Variants in RILPL2 observed in about 807,000 individuals in gnomAD.
The protein encoded by RILPL2 is RILP-like protein 2.
RILPL2 carries 19 observed loss-of-function variants against 22.2 expected under a neutral mutation model. The ratio of observed to expected loss-of-function variants is 0.86; its 90% CI spans 0.60 to 1.25. The LOEUF (loss-of-function observed/expected upper bound fraction) is 1.25, where lower values mean the gene tolerates loss of function less well. Ranked by LOEUF, RILPL2 falls within the 50% of genes most tolerant of loss-of-function variation. The probability of loss-of-function intolerance (pLI) is 0.00; values close to 1 mark genes in which losing one functional copy is unlikely to be tolerated. For synonymous variants in RILPL2, 123 were observed against 111.6 expected (o/e 1.10, Z -0.64); for missense variants, 243 against 263.6 (o/e 0.92, Z 0.54).
At position 123,436,624 on chromosome 12, in the gene RILPL2, C is replaced by T. The variant is rs1345967482; in HGVS notation, c.-204G>A. ...CGCCCCGGCGCACCGTCCCCGCTGC[C>T]AGCCACGCTGGAGAGTGCGCTCCAG... On this transcript the variant is annotated 5_prime_UTR_variant, in exon 1 of 4. Coordinates refer to ENST00000280571, the MANE Select transcript of RILPL2 (RefSeq NM_145058.3). This position sits in a 1 kb window ranked among gnomAD's most constrained non-coding sequence, Gnocchi z 6.7. 4.8e-6 allele frequency: 4 copies of T among 831,250 alleles called. No homozygotes were observed. The African/African-American group carries it at 5.1e-5, about 11-fold the overall frequency. The allele number at this position is 831,250 out of a possible 1,614,324, so 51.5% of individuals were successfully genotyped here. A position where few individuals can be genotyped will look rare whatever the true frequency, so the allele number is the denominator to read the frequency against.
chr12:123,421,417 C>T (rs898729738), intron 3 of RILPL2, among the ~76,000 whole-genome samples: 2 of 152,172 alleles, frequency 1.3e-5, no homozygotes, highest in African/African-American at 4.8e-5. Flanking sequence ...TTAAACCCAA[C>T]AGCCTCTGAG....
At position 123,415,802 on chromosome 12, in the gene RILPL2, T is replaced by A. The variant is rs1412304240; in HGVS notation, c.*89A>T. 2 of 1,229,484 alleles carry A rather than the reference T, an allele frequency of 1.6e-6. No homozygotes were observed. Among genetic ancestry groups the A allele is most frequent in the Admixed American group, 3.4e-5 (2 of 59,514 alleles). 76.2% of individuals were successfully genotyped at this position (1,229,484 alleles called of 1,614,324 possible). The stretch of plus-strand genomic sequence containing the variant: ...GAAATAAATACACAGGCCTAGTGTG[T>A]CTGTGTGGCACAGGGAGGTGGTTTT... On this transcript the variant is annotated 3_prime_UTR_variant, in exon 4 of 4. Coordinates refer to ENST00000280571, the MANE Select transcript of RILPL2 (RefSeq NM_145058.3).
Position 123,415,503 on chromosome 12 carries a change from T to C in RILPL2, c.*388A>G, listed in dbSNP as rs1879090981. 4.6e-6 allele frequency: 1 copy of C among 215,508 alleles called. No individual in the cohort carries two copies. Among genetic ancestry groups the C allele is most frequent in the Non-Finnish European group, 9.2e-6 (1 of 108,204 alleles). The allele number at this position is 215,508 out of a possible 1,614,324, so 13.3% of individuals were successfully genotyped here. Reference sequence around the variant, plus strand: ...TCACCACTGGAATCTCAATAGCACATTTTCCTGCTTTCTTTTCTCCCTTCT... The same window carrying C: ...TCACCACTGGAATCTCAATAGCACACTTTCCTGCTTTCTTTTCTCCCTTCT... On this transcript the variant is annotated 3_prime_UTR_variant, in exon 4 of 4. Transcript: ENST00000280571.
In RILPL2 at chr12:123,436,519, C is replaced by G. The variant is rs2139259615; in HGVS notation, c.-99G>C. On this transcript the variant is annotated 5_prime_UTR_variant, in exon 1 of 4. Transcript: ENST00000280571. This position sits in a 1 kb window ranked among gnomAD's most constrained non-coding sequence, Gnocchi z 6.7. ...CCAAAACTTTCCGCTGGGCAGAGTC[C>G]CTACCTGCCCAATCAGCGCGGCCCG... 1 of 1,459,304 alleles carries G rather than the reference C, an allele frequency of 6.9e-7. No homozygotes were observed. Among genetic ancestry groups the G allele is most frequent in the African/African-American group, 1.4e-5 (1 of 70,896 alleles). The allele number at this position is 1,459,304 out of a possible 1,614,324, so 90.4% of individuals were successfully genotyped here.
chr12:123,434,479 A>G (rs1879732576), intron 1 of RILPL2, among the ~76,000 whole-genome samples: 2 of 150,758 alleles, frequency 1.3e-5, no homozygotes, highest in Admixed American at 1.3e-4. Flanking sequence ...CCTGGAGTGC[A>G]GTGGCGCGAT....
intron 3 of RILPL2, among the ~76,000 whole-genome samples, chr12:123,416,396 T>C (rs1380681737): frequency 6.6e-6 from 1 of 151,762 alleles, no homozygotes; most frequent in Non-Finnish European, 1.5e-5. Context: ...TCCCAGCACT[T>C]TGGGAGACGG....
intron 2 of RILPL2, among the ~76,000 whole-genome samples, chr12:123,428,073 C>T (rs1879493025): frequency 6.6e-6 from 1 of 152,220 alleles, no homozygotes; most frequent in Non-Finnish European, 1.5e-5. Context: ...CACTAACAAG[C>T]TGCTCACGAC....
At chr12:123,430,872 T>C (rs1033180752) in intron 1 of RILPL2, among the ~76,000 whole-genome samples, 2 of 152,112 alleles carry the variant, frequency 1.3e-5, no homozygotes, top group Non-Finnish European at 2.9e-5. Flanking sequence ...CTAATTTTTG[T>C]ATTTTTATTA....
chr12:123,419,015 CTT>C (rs763557672), intron 3 of RILPL2, among the ~76,000 whole-genome samples: 5 of 123,834 alleles, frequency 4.0e-5, no homozygotes, highest in Admixed American at 8.6e-5. Context: ...CTGCGCCCGG[CTT>C]TTTTTTTTTT....
At chr12:123,418,899 T>C (rs1343486141) in intron 3 of RILPL2, among the ~76,000 whole-genome samples, 1 of 151,566 alleles carries the variant, frequency 6.6e-6, no homozygotes, top group Non-Finnish European at 1.5e-5. Context: ...TAGCTGGGAC[T>C]ACAGGCTTGG....
rs761339383 is a variant in RILPL2, at chr12:123,436,144, T to C, written c.277A>G (p.Arg93Gly). 6.2e-7 allele frequency: 1 copy of C among 1,602,054 alleles called. No individual in the cohort carries two copies. Among genetic ancestry groups the C allele is most frequent in the Non-Finnish European group, 8.5e-7 (1 of 1,174,940 alleles). ...SLALEELKMERDHLRKEVEGL... is the reference protein window; with the variant it reads ...SLALEELKMEGDHLRKEVEGL... The stretch of plus-strand genomic sequence containing the variant: ...TCCACCTCCTTCCTGAGGTGGTCCC[T>C]CTCCATCTTCAGCTCCTCCAGCGCC... The change falls in exon 1 of 4, where the codon AGG (arginine) becomes GGG (glycine). Residue 93 changes from arginine (R) to glycine (G), a missense_variant. By Grantham distance (125) the Arg-to-Gly change is moderately radical. Transcript: ENST00000280571. The surrounding 1 kb of genome is among the most constrained non-coding windows in gnomAD (Gnocchi z 6.7).
At chr12:123,423,938 C>T (rs1329225710) in intron 2 of RILPL2, among the ~76,000 whole-genome samples, 1 of 152,116 alleles carries the variant, frequency 6.6e-6, no homozygotes, top group Non-Finnish European at 1.5e-5. Flanking sequence ...CAGGTGTGAG[C>T]CACCGTGCCT....
Position 123,430,536 on chromosome 12 carries a change from C to G in RILPL2, c.463G>C (p.Val155Leu). The G allele has an allele frequency of 6.2e-7, 1 of 1,608,434 alleles. No individual in the cohort carries two copies. Among genetic ancestry groups the G allele is most frequent in the East Asian group, 2.3e-5 (1 of 44,408 alleles). ...RNKLKSQLLV[V>L]QEELQCYKSG... is the part of the protein sequence containing the mutation. Reference sequence around the variant, plus strand: ...TTGTAGCACTGCAGCTCTTCCTGCACCACCAGGAGCTGCGACTTGAGTTTG... The same window carrying G: ...TTGTAGCACTGCAGCTCTTCCTGCAGCACCAGGAGCTGCGACTTGAGTTTG... Residue 155 changes from valine (V) to leucine (L), a missense_variant, in exon 2 of 4, where the codon GTG becomes CTG. By Grantham distance (32) the Val-to-Leu change is conservative (BLOSUM62 1). Transcript: ENST00000280571.
At chr12:123,411,880 AGT>A (rs1393681820), downstream of RILPL2, 1 of 152,176 alleles carries the variant, frequency 6.6e-6, no homozygotes. Flanking sequence ...GGAATCCTGC[AGT>A]GTGAGAACCG....
At chr12:123,419,615 T>C (rs1295264209) in intron 3 of RILPL2, among the ~76,000 whole-genome samples, 1 of 150,358 alleles carries the variant, frequency 6.7e-6, no homozygotes. Context: ...TCTTTTTTTT[T>C]TTTTTTTTGA....
intron 3 of RILPL2, among the ~76,000 whole-genome samples, chr12:123,417,069 C>A (rs570607993): frequency 2.0e-5 from 3 of 152,008 alleles, no homozygotes; most frequent in Non-Finnish European, 2.9e-5. Flanking sequence ...GAGGCTGAGG[C>A]GGGCGGATTG....
At chr12:123,424,188 C>T (rs940650001) in intron 2 of RILPL2, among the ~76,000 whole-genome samples, 1 of 152,066 alleles carries the variant, frequency 6.6e-6, no homozygotes, top group Non-Finnish European at 1.5e-5. Flanking sequence ...AATATTTTGT[C>T]TCTGAACTGT....
chr12:123,427,108 T>TG (rs1358296370), intron 2 of RILPL2, among the ~76,000 whole-genome samples: 2 of 152,008 alleles, frequency 1.3e-5, no homozygotes, highest in Non-Finnish European at 2.9e-5. Context: ...CTGCTGTGCC[T>TG]GGCTTCTTAT....
At chr12:123,425,390 G>T (rs940454910) in intron 2 of RILPL2, among the ~76,000 whole-genome samples, 1 of 151,362 alleles carries the variant, frequency 6.6e-6, no homozygotes, top group Non-Finnish European at 1.5e-5. Context: ...TGTTGGCCAC[G>T]CTGGTTTTGA....
Sources: gnomAD v4.1 joint callset for allele counts (sites outside exome capture counted in the v4.1 genomes callset) on GRCh38, gnomAD v4.1.1 for gene constraint, Gnocchi (gnomAD v3.1) non-coding constraint, MANE v1.5 for transcripts, NCBI Gene and HGNC (gene_info 2026-07-23, HGNC 2026-07-21) for gene names.